SETX: variants seen among roughly 807,000 people sequenced by gnomAD.
SETX encodes helicase senataxin.
Under a neutral mutation model 227.2 loss-of-function variants are expected in SETX, and 90 were observed. The observed-to-expected ratio is 0.40, with a 90% CI of 0.33 to 0.47. The LOEUF (loss-of-function observed/expected upper bound fraction) is 0.47. Ranked by LOEUF, SETX falls within the 20% of genes least tolerant of loss-of-function variation. The pLI is 0.91. For synonymous variants in SETX, 1,210 were observed against 1,113.2 expected (o/e 1.09, Z -1.73); for missense variants, 3,052 against 3,181.5 (o/e 0.96, Z 0.98).
chr9:132,295,036 T>C (rs1814965619), intron 15 of SETX, among the ~76,000 whole-genome samples: 1 of 152,366 alleles, frequency 6.6e-6, no homozygotes, highest in African/African-American at 2.4e-5. Flanking sequence ...ACAAGACATA[T>C]GAGCTTGGAA....
At chr9:132,284,295 G>A (rs188555079) in intron 18 of SETX, among the ~76,000 whole-genome samples, 243 of 152,326 alleles carry the variant, frequency 1.6e-3, no homozygotes, top group Middle Eastern at 3.4e-3. Context: ...CTTGACTCAG[G>A]AAAGATTAAT....
At position 132,286,604 on chromosome 9, in the gene SETX, G is replaced by A. The variant is rs563721448; in HGVS notation, c.6325-110C>T. The A allele has an allele frequency of 1.2e-5, 9 of 781,780 alleles. No homozygotes were observed. The South Asian group carries it at 1.3e-4, about 11-fold the overall frequency. 48.4% of individuals were successfully genotyped at this position (781,780 alleles called of 1,614,324 possible). Reference sequence around the variant, plus strand: ...AGCCTGTATTTCACCAATGAAAAATGTATTTACCCAGCTTATTTCCTCTTT... The same window carrying A: ...AGCCTGTATTTCACCAATGAAAAATATATTTACCCAGCTTATTTCCTCTTT... On this transcript the variant is annotated intron_variant, in intron 17 of 25. Coordinates refer to ENST00000224140, the MANE Select transcript of SETX (RefSeq NM_015046.7).
At chr9:132,349,103 C>A in intron 3 of SETX, 149 bp downstream of exon 3, 4 of 784,972 alleles carry the variant, frequency 5.1e-6, no homozygotes, top group Non-Finnish European at 8.3e-6. Context: ...CCATCTCTAA[C>A]AACAACAAAA....
At position 132,264,897 on chromosome 9, in the gene SETX, G is replaced by A. The variant is rs925691033; in HGVS notation, c.7376C>T (p.Ala2459Val). 4 of 1,614,106 alleles carry A rather than the reference G, an allele frequency of 2.5e-6. No individual in the cohort carries two copies. Among genetic ancestry groups the A allele is most frequent in the Non-Finnish European group, 3.4e-6 (4 of 1,179,990 alleles). Residue 2459 changes from alanine to valine, a missense_variant, in exon 26 of 26, where the codon GCA (alanine) becomes GTA (valine). By Grantham distance (64) the Ala-to-Val change is moderately conservative. Around this residue, in one of 10 missense-constraint regions of SETX, gnomAD observed 294 missense variants for 278.8 expected, o/e 1.05. Coordinates refer to ENST00000224140, the MANE Select transcript of SETX (RefSeq NM_015046.7). ...AGGCTTGAGTTTCAGAATCTTCACTGCATCATGTCTATAGTTTTTGTCACA... is the reference window on the plus strand; with the variant it reads ...AGGCTTGAGTTTCAGAATCTTCACTACATCATGTCTATAGTTTTTGTCACA... The part of the protein sequence containing the change: ...KTCDKNYRHD[A>V]VKILKLKPVL...
chr9:132,272,890 G>A (rs529721385), intron 23 of SETX, among the ~76,000 whole-genome samples: 48 of 152,232 alleles, frequency 3.2e-4, no homozygotes, highest in Non-Finnish European at 4.9e-4. Context: ...AGGTGGCAGC[G>A]CTCCCCAAAT....
intron 5 of SETX, 76 bp from the exon 6 acceptor site, chr9:132,336,591 A>G: frequency 9.6e-7 from 1 of 1,045,932 alleles, no homozygotes; most frequent in East Asian, 2.4e-5. Context: ...AAAAGAAAAC[A>G]GGATTCTCTG....
At chr9:132,301,475 C>T (rs1474233805) in intron 11 of SETX, among the ~76,000 whole-genome samples, 1 of 152,156 alleles carries the variant, frequency 6.6e-6, no homozygotes, top group Non-Finnish European at 1.5e-5. Context: ...AGTAGTTATA[C>T]ACCGCATAAT....
chr9:132,323,400 T>A (rs1480112676), intron 10 of SETX, among the ~76,000 whole-genome samples: 1 of 152,160 alleles, frequency 6.6e-6, no homozygotes, highest in African/African-American at 2.4e-5. Context: ...TACAGCATAC[T>A]ACATGGCTTA....
upstream of SETX, among the ~76,000 whole-genome samples, chr9:132,355,757 C>A (rs12350579): frequency 0.018 from 2,777 of 152,196 alleles, 84 homozygotes; most frequent in African/African-American, 0.063. Context: ...GAGGCCGAGG[C>A]GGGTGGATCA....
At chr9:132,342,302 T>C (rs1047224435) in intron 5 of SETX, among the ~76,000 whole-genome samples, 7 of 152,306 alleles carry the variant, frequency 4.6e-5, no homozygotes, top group Middle Eastern at 6.8e-3. Context: ...TCTCCCTCCC[T>C]ACCTTCCCTT....
chr9:132,348,743 T>A (rs1589789950), intron 3 of SETX, among the ~76,000 whole-genome samples: 1 of 131,286 alleles, frequency 7.6e-6, no homozygotes, highest in Non-Finnish European at 1.7e-5. Flanking sequence ...CTGGGCAAAA[T>A]AATAAGACCT....
rs1847084724 is a variant in SETX, at chr9:132,329,533, A to G, written c.2065T>C (p.Leu689=). 1.9e-6 allele frequency: 3 copies of G among 1,613,098 alleles called. No homozygotes were observed. The South Asian group carries it at 3.3e-5, about 18-fold the overall frequency. ...AAAATGTTTTTACTACTCTGCTTTA[A>G]GCATGACCCAGCTAAGAGATGGTCC... is the stretch of plus-strand genomic sequence containing the variant. ...LEDHLLAGSC[L]KQSSKNIFTE... The change falls in exon 10 of 26, where the codon TTA becomes CTA. Residue 689 remains leucine (L), a synonymous_variant. Transcript: ENST00000224140.
At position 132,296,943 on chromosome 9, in the gene SETX, G is replaced by A. The variant is rs1268480632; in HGVS notation, c.5893C>T (p.Pro1965Ser). 1 of 1,614,088 alleles carries A rather than the reference G, an allele frequency of 6.2e-7. No homozygotes were observed. Among genetic ancestry groups the A allele is most frequent in the Admixed American group, 1.7e-5 (1 of 60,020 alleles). The change falls in exon 14 of 26, where the codon CCT becomes TCT. Residue 1965 changes from proline (P) to serine (S), a missense_variant. Pro to Ser is a moderately conservative substitution (Grantham distance 74, BLOSUM62 -1). Coordinates refer to ENST00000224140, the MANE Select transcript of SETX (RefSeq NM_015046.7). Reference sequence around the variant, plus strand: ...ATAGTTTTTGATTTTCCTGTTCCAGGTGGTCCATGAATCAAGCAGATTTTG... The same window carrying A: ...ATAGTTTTTGATTTTCCTGTTCCAGATGGTCCATGAATCAAGCAGATTTTG... Reference protein sequence around the residue: ...VAKICLIHGPPGTGKSKTIVG... With the variant: ...VAKICLIHGPSGTGKSKTIVG...
Position 132,326,760 on chromosome 9 carries a change from G to T in SETX, c.4838C>A (p.Ser1613Tyr), listed in dbSNP as rs145835495. 6.2e-7 allele frequency: 1 copy of T among 1,614,172 alleles called. No individual in the cohort carries two copies. Among genetic ancestry groups the T allele is most frequent in the African/African-American group, 1.3e-5 (1 of 75,040 alleles). ...STSRIAGLSK[S>Y]LETSSALSPS... ...TGAAAGTGCTGAAGAAGTTTCCAAA[G>T]ATTTAGAAAGACCAGCAATTCGTGA... Residue 1613 changes from serine (S) to tyrosine (Y), a missense_variant, in exon 10 of 26, where the codon TCT becomes TAT. By Grantham distance (144) the Ser-to-Tyr change is moderately radical (BLOSUM62 -2). Around this residue, in one of 10 missense-constraint regions of SETX, gnomAD observed 1,483 missense variants for 1,312.0 expected, o/e 1.13. Coordinates refer to ENST00000224140, the MANE Select transcript of SETX (RefSeq NM_015046.7).
At chr9:132,273,745 G>A (rs1843009218) in intron 23 of SETX, among the ~76,000 whole-genome samples, 1 of 152,028 alleles carries the variant, frequency 6.6e-6, no homozygotes, top group South Asian at 2.1e-4. Context: ...CACCTATGAA[G>A]AGAGAGTTTT....
chr9:132,305,137 G>A (rs962523349), intron 11 of SETX, among the ~76,000 whole-genome samples: 2 of 151,752 alleles, frequency 1.3e-5, no homozygotes, highest in Admixed American at 6.6e-5. Context: ...GGCGGATCAC[G>A]AGGTTAGGAG....
intron 12 of SETX, 90 bp downstream of exon 12, chr9:132,300,540 T>C: frequency 2.9e-6 from 4 of 1,387,826 alleles, no homozygotes; most frequent in Non-Finnish European, 4.1e-6. Context: ...TAAATGTCTA[T>C]CAAATACACT....
intron 14 of SETX, among the ~76,000 whole-genome samples, chr9:132,296,253 T>C (rs1229546784): frequency 1.3e-5 from 2 of 152,252 alleles, no homozygotes; most frequent in South Asian, 2.1e-4. Flanking sequence ...CCACTTACTT[T>C]AATGAATACT....
chr9:132,331,737 C>T (rs1051869647), intron 7 of SETX, among the ~76,000 whole-genome samples: 4 of 152,028 alleles, frequency 2.6e-5, no homozygotes, highest in Non-Finnish European at 5.9e-5. Flanking sequence ...TCTAGGTAAG[C>T]ACAATCTTTT....
Sources: gnomAD v4.1 joint callset for allele counts (sites outside exome capture counted in the v4.1 genomes callset) on GRCh38, gnomAD v4.1.1 for gene constraint, gnomAD v4.1.1 regional missense constraint, MANE v1.5 for transcripts, NCBI Gene and HGNC (gene_info 2026-07-23, HGNC 2026-07-21) for gene names.